Variants in CD86 observed in about 807,000 individuals in gnomAD.
The protein encoded by CD86 is T-lymphocyte activation antigen CD86.
CD86 carries 11 observed loss-of-function variants against 32.1 expected under a neutral mutation model. The ratio of observed to expected loss-of-function variants is 0.34; its 90% CI spans 0.22 to 0.57. CD86 has a LOEUF of 0.57. CD86 is among the 20% of genes least tolerant of loss of function. The pLI is 0.86. For synonymous variants in CD86, 137 were observed against 135.3 expected (o/e 1.01, Z -0.09); for missense variants, 359 against 398.4 (o/e 0.90, Z 0.84).
intron 1 of CD86, among the ~76,000 whole-genome samples, chr3:122,058,681 T>C (rs2072279047): frequency 6.6e-6 from 1 of 152,050 alleles, no homozygotes; most frequent in South Asian, 2.1e-4. Flanking sequence ...AGTCCAGGCA[T>C]CCAGCTATGA....
In CD86 at chr3:122,102,424, T is replaced by TTC. The variant is rs1162592040; in HGVS notation, c.65-1087_65-1086insCT. On this transcript the variant is annotated intron_variant, in intron 2 of 6. Transcript: ENST00000330540. Reference sequence around the variant, plus strand: ...CTGCTTACTTTTTTTTTTTTTTTTTTTTTTTTTTTGCCAAGTCTCAAGTAA... The same window carrying TTC: ...CTGCTTACTTTTTTTTTTTTTTTTTTTCTTTTTTTTTGCCAAGTCTCAAGTAA... Among the ~76,000 whole-genome samples, 6 of 143,190 alleles carry TTC rather than the reference T, an allele frequency of 4.2e-5. No individual in the cohort carries two copies. In the East Asian group the frequency reaches 1.2e-3, roughly 29 times the overall value. The allele number at this position is 143,190 out of a possible 152,430, so 93.9% of individuals were successfully genotyped here. A position where few individuals can be genotyped will look rare whatever the true frequency, so the allele number is the denominator to read the frequency against.
chr3:122,067,064 G>C (rs567963085), intron 1 of CD86, among the ~76,000 whole-genome samples: 4 of 152,128 alleles, frequency 2.6e-5, no homozygotes, highest in Non-Finnish European at 5.9e-5. Flanking sequence ...AAGGTTCTAG[G>C]GGTGGGGGAT....
At chr3:122,071,721 T>C (rs1358219140) in intron 1 of CD86, among the ~76,000 whole-genome samples, 1 of 146,624 alleles carries the variant, frequency 6.8e-6, no homozygotes, top group Non-Finnish European at 1.5e-5. Flanking sequence ...TTTGCATTCT[T>C]TTCTTTATTT....
intron 1 of CD86, among the ~76,000 whole-genome samples, chr3:122,091,123 C>T (rs528550370): frequency 6.6e-6 from 1 of 152,340 alleles, no homozygotes; most frequent in Admixed American, 6.5e-5. Context: ...TAATCAATCC[C>T]TCAAATTTTA....
At chr3:122,106,156 T>C in intron 3 of CD86, 42 bp from the exon 4 acceptor site, 1 of 1,466,474 alleles carries the variant, frequency 6.8e-7, no homozygotes, top group South Asian at 1.4e-5. Flanking sequence ...TAGATACATC[T>C]AAACTTAGAT....
intron 1 of CD86, among the ~76,000 whole-genome samples, chr3:122,072,755 T>C (rs897611386): frequency 6.6e-6 from 1 of 152,206 alleles, no homozygotes; most frequent in African/African-American, 2.4e-5. Context: ...TTTGTCAATT[T>C]TGGCTTTGGT....
chr3:122,106,137 A>C, intron 3 of CD86, 61 bp from the exon 4 acceptor site: 1,449 of 1,086,372 alleles, frequency 1.3e-3, no homozygotes, highest in Non-Finnish European at 1.7e-3. Context: ...GTTATTTGCT[A>C]TTCCCTCCTA....
chr3:122,103,685 T>C lies in CD86; in HGVS notation c.238T>C (p.Ser80Pro). Residue 80 changes from serine to proline, a missense_variant, in exon 3 of 7, where the codon TCC becomes CCC. Physicochemically the swap from Ser to Pro is moderately conservative, Grantham distance 74. Transcript: ENST00000330540. Reference protein sequence around the residue: ...LGKEKFDSVHSKYMGRTSFDS... With the variant: ...LGKEKFDSVHPKYMGRTSFDS... Reference sequence around the variant, plus strand: ...CAAAGAGAAATTTGACAGTGTTCATTCCAAGTATATGGGCCGCACAAGTTT... The same window carrying C: ...CAAAGAGAAATTTGACAGTGTTCATCCCAAGTATATGGGCCGCACAAGTTT... 2 of 1,614,060 alleles carry C rather than the reference T, an allele frequency of 1.2e-6. 1 individual carries two copies. Among genetic ancestry groups the C allele is most frequent in the South Asian group, 2.2e-5 (2 of 91,066 alleles).
chr3:122,117,482 T>C (rs558705819), intron 5 of CD86, among the ~76,000 whole-genome samples: 15 of 152,326 alleles, frequency 9.8e-5, no homozygotes, highest in African/African-American at 3.6e-4. Flanking sequence ...AATAGCATCA[T>C]CACAACAGTC....
In CD86 at chr3:122,091,586, T is replaced by A. The variant is rs777596388; in HGVS notation, c.15-15T>A. The A allele has an allele frequency of 4.1e-5, 65 of 1,604,870 alleles. No homozygotes were observed. Among genetic ancestry groups the A allele is most frequent in the Non-Finnish European group, 5.4e-5 (63 of 1,171,966 alleles). On this transcript the variant is annotated splice_polypyrimidine_tract_variant and intron_variant, in intron 1 of 6. Transcript: ENST00000330540. ...TTTTCTAATCAAGTTTTACCTTTTTTTTTCTCGACTCTAGCACTATGGGAC... is the reference window on the plus strand; with the variant it reads ...TTTTCTAATCAAGTTTTACCTTTTTATTTCTCGACTCTAGCACTATGGGAC...
At chr3:122,091,561 T>G in intron 1 of CD86, 40 bp from the exon 2 acceptor site, 1 of 1,497,768 alleles carries the variant, frequency 6.7e-7, no homozygotes, top group Non-Finnish European at 9.1e-7. Context: ...TTCAGTTTCC[T>G]TTTCTAATCA....
chr3:122,094,536 T>C (rs1307273649), intron 2 of CD86, among the ~76,000 whole-genome samples: 3 of 152,192 alleles, frequency 2.0e-5, no homozygotes, highest in Non-Finnish European at 4.4e-5. Flanking sequence ...AGATTCTATT[T>C]GAATTCTTTC....
At chr3:122,061,906 GCTTTATT>G (rs1405065013) in intron 1 of CD86, among the ~76,000 whole-genome samples, 3 of 152,078 alleles carry the variant, frequency 2.0e-5, no homozygotes, top group African/African-American at 7.2e-5. Context: ...ATTTATACCA[GCTTTATT>G]CATAATAGTA....
intron 3 of CD86, 53 bp from the exon 4 acceptor site, chr3:122,106,145 C>T: frequency 7.3e-7 from 1 of 1,375,690 alleles, no homozygotes; most frequent in Non-Finnish European, 9.9e-7. Context: ...CTATTCCCTC[C>T]TAGATACATC....
intron 1 of CD86, among the ~76,000 whole-genome samples, chr3:122,074,415 T>C (rs2072530145): frequency 6.6e-6 from 1 of 152,212 alleles, no homozygotes; most frequent in Non-Finnish European, 1.5e-5. Flanking sequence ...GCTTTCCCCC[T>C]TGCATCAAGA....
At chr3:122,114,360 C>T (rs1173236339) in intron 5 of CD86, among the ~76,000 whole-genome samples, 2 of 152,122 alleles carry the variant, frequency 1.3e-5, no homozygotes, top group Admixed American at 6.5e-5. Context: ...AGGAATTGCC[C>T]TCTTTCCATA....
intron 1 of CD86, among the ~76,000 whole-genome samples, chr3:122,079,368 A>G (rs571553281): frequency 6.6e-6 from 1 of 152,338 alleles, no homozygotes; most frequent in South Asian, 2.1e-4. Context: ...GCCAAGCCAG[A>G]TTCTTCAGCA....
intron 6 of CD86, among the ~76,000 whole-genome samples, chr3:122,119,236 A>T (rs1233002905): frequency 6.6e-6 from 1 of 152,230 alleles, no homozygotes; most frequent in Non-Finnish European, 1.5e-5. Flanking sequence ...GCCAGGCAGA[A>T]ATAAAGGGTA....
In CD86 at chr3:122,120,381, A is replaced by G. The variant is rs961385356; in HGVS notation, c.*847A>G. On this transcript the variant is annotated 3_prime_UTR_variant, in exon 7 of 7. Coordinates refer to ENST00000330540, the MANE Select transcript of CD86 (RefSeq NM_175862.5). ...GGAAGCTGTGAAAGAACCAAAAGAG[A>G]TCACAATACTCAAAAGAGAGAGAGA... is the stretch of plus-strand genomic sequence containing the variant. The G allele has an allele frequency of 6.6e-6, 1 of 152,266 alleles. No homozygotes were observed. Among genetic ancestry groups the G allele is most frequent in the African/African-American group, 2.4e-5 (1 of 41,446 alleles). The allele number at this position is 152,266 out of a possible 1,614,324, so 9.4% of individuals were successfully genotyped here.
Sources: allele counts gnomAD v4.1 joint callset (sites outside exome capture counted in the v4.1 genomes callset), GRCh38; gene constraint gnomAD v4.1.1; transcripts MANE v1.5; gene names NCBI Gene and HGNC (gene_info 2026-07-23, HGNC 2026-07-21).